The following GVQW3 variants were observed in gnomAD, a reference collection of about 807,000 sequenced individuals.
GVQW3 encodes the protein GVQW motif containing 3, also known as protein GVQW3.
Under a neutral mutation model 12.5 loss-of-function variants are expected in GVQW3, and 7 were observed. The observed-to-expected ratio is 0.56, with a 90% CI of 0.32 to 1.05. GVQW3 has a LOEUF of 1.05. GVQW3 is among the 50% of genes least tolerant of loss of function. The pLI, the probability that GVQW3 is intolerant of heterozygous loss-of-function variation, is 0.04. For synonymous variants in GVQW3, 71 were observed against 67.2 expected (o/e 1.06, Z -0.28); for missense variants, 188 against 190.8 (o/e 0.99, Z 0.09).
Position 76,382,147 on chromosome 11 carries a change from A to G in GVQW3, c.319A>G (p.Ile107Val). The change falls in exon 1 of 2, where the codon ATT (isoleucine) becomes GTT (valine). Residue 107 changes from isoleucine (I) to valine (V), a missense_variant. By Grantham distance (29) the Ile-to-Val change is conservative. Transcript: ENST00000529331. ...TTTAGACAAAGAAACTGTTAGGCTC[A>G]TTTTGAAAGAAAACTTGAACATGAG... ...LNLDKETVRL[I>V]LKENLNMRKI... 1.3e-6 allele frequency: 2 copies of G among 1,536,262 alleles called. No homozygotes were observed. Among genetic ancestry groups the G allele is most frequent in the Non-Finnish European group, 1.7e-6 (2 of 1,146,904 alleles).
chr11:76,387,393 ACTC>A (rs998186749), intron 1 of GVQW3, among the ~76,000 whole-genome samples: 1 of 151,908 alleles, frequency 6.6e-6, no homozygotes, highest in African/African-American at 2.4e-5. Context: ...TCTTGCCACT[ACTC>A]CAGCCTGGGC....
chr11:76,382,029 C>CT lies in GVQW3; in HGVS notation c.201_202insT (p.Thr68TyrfsTer6), dbSNP rs756348244. 5 of 1,536,524 alleles carry CT rather than the reference C, an allele frequency of 3.3e-6. No homozygotes were observed. The highest frequency in any genetic ancestry group is 4.4e-6 in the Non-Finnish European group (5 of 1,146,996). On this transcript the variant is annotated frameshift_variant, in exon 1 of 2. Coordinates refer to ENST00000529331, the MANE Select transcript of GVQW3 (RefSeq NM_001347885.2). LOFTEE classifies it high-confidence loss of function. ...ATGATGCCCGAAGTGGGCGTCCAGT[C>CT]ACCCACCGAACAGATGACAATATCC... is the stretch of plus-strand genomic sequence containing the variant.
chr11:76,396,258 A>G (rs186608825), intron 1 of GVQW3, among the ~76,000 whole-genome samples: 150 of 152,118 alleles, frequency 9.9e-4, no homozygotes, highest in Non-Finnish European at 7.9e-4. Flanking sequence ...TTTGCCTAGT[A>G]TATTTTCCCA....
In GVQW3 at chr11:76,404,186, CGAG is replaced by C. The variant is rs1410005993; in HGVS notation, c.*432_*434del. ...AGTGAGAAAGAGGGAAGGAATAGAA[CGAG>C]GAGTTCAATCTGTGACTGACAGTGA... On this transcript the variant is annotated 3_prime_UTR_variant, in exon 2 of 2. Transcript: ENST00000529331. The C allele has an allele frequency of 1.9e-5, 8 of 413,862 alleles. No individual in the cohort carries two copies. Among genetic ancestry groups the C allele is most frequent in the Admixed American group, 4.2e-5 (1 of 23,564 alleles). 25.6% of individuals were successfully genotyped at this position (413,862 alleles called of 1,614,324 possible).
intron 1 of GVQW3, among the ~76,000 whole-genome samples, chr11:76,384,324 GTT>G (rs1460268915): frequency 6.6e-6 from 1 of 152,138 alleles, no homozygotes; most frequent in African/African-American, 2.4e-5. Context: ...ACCTGTTTTT[GTT>G]TTGTTTTGTT....
exon 2 of GVQW3, chr11:76,414,022 G>A (rs1453436353): frequency 2.0e-5 from 3 of 152,096 alleles, no homozygotes; most frequent in East Asian, 3.9e-4. Flanking sequence ...ACCAATTTGA[G>A]GGAGGGAACC....
At chr11:76,396,074 C>A (rs1055145932) in intron 1 of GVQW3, among the ~76,000 whole-genome samples, 10 of 152,102 alleles carry the variant, frequency 6.6e-5, no homozygotes, top group Admixed American at 2.0e-4. Flanking sequence ...ATGCTGAAGA[C>A]TTGAGGGGGC....
chr11:76,398,382 G>C (rs1210876100), intron 1 of GVQW3, among the ~76,000 whole-genome samples: 1 of 152,044 alleles, frequency 6.6e-6, no homozygotes, highest in Non-Finnish European at 1.5e-5. Flanking sequence ...CTCAATCTTA[G>C]CTCACTGCAA....
At chr11:76,389,330 C>T (rs1162666291) in intron 1 of GVQW3, among the ~76,000 whole-genome samples, 2 of 152,190 alleles carry the variant, frequency 1.3e-5, no homozygotes, top group Non-Finnish European at 2.9e-5. Context: ...CAGTATATTA[C>T]TACTTATATT....
intron 1 of GVQW3, among the ~76,000 whole-genome samples, chr11:76,386,112 C>A (rs1282644716): frequency 6.6e-6 from 1 of 152,170 alleles, no homozygotes; most frequent in African/African-American, 2.4e-5. Context: ...CCCGCCCCCA[C>A]GCTCATTCTA....
At chr11:76,382,568 C>A in intron 1 of GVQW3, 1 of 596,688 alleles carries the variant, frequency 1.7e-6, no homozygotes, top group South Asian at 2.1e-5. Context: ...CCCTATGTGC[C>A]ATGGCCCTCC....
chr11:76,401,281 C>G (rs919981062), intron 1 of GVQW3, among the ~76,000 whole-genome samples: 1 of 151,878 alleles, frequency 6.6e-6, no homozygotes, highest in African/African-American at 2.4e-5. Flanking sequence ...TGTTTGTTGA[C>G]TCTCTATTTT....
intron 1 of GVQW3, among the ~76,000 whole-genome samples, chr11:76,390,744 G>T (rs1239771319): frequency 6.6e-6 from 1 of 151,938 alleles, no homozygotes; most frequent in Non-Finnish European, 1.5e-5. Context: ...GGAGAATGGC[G>T]TGAACCCGGG....
At chr11:76,411,927 C>A (rs1337934175), downstream of GVQW3, 2 of 152,202 alleles carry the variant, frequency 1.3e-5, no homozygotes, top group Non-Finnish European at 1.5e-5. Flanking sequence ...TTTCATCCCC[C>A]TAAGGAGCAC....
chr11:76,388,654 C>A (rs899791107), intron 1 of GVQW3, among the ~76,000 whole-genome samples: 1 of 151,614 alleles, frequency 6.6e-6, no homozygotes, highest in Non-Finnish European at 1.5e-5. Context: ...TAGACACAGG[C>A]CTTGGATTAG....
At chr11:76,383,777 CAAA>C (rs66514434) in intron 1 of GVQW3, 136 of 147,128 alleles carry the variant, frequency 9.2e-4, no homozygotes, top group African/African-American at 1.0e-3. Context: ...GACTCTGTCC[CAAA>C]AAAAAAAAAA....
intron 1 of GVQW3, among the ~76,000 whole-genome samples, chr11:76,395,963 A>G (rs987408174): frequency 2.6e-5 from 4 of 152,158 alleles, no homozygotes; most frequent in Non-Finnish European, 4.4e-5. Context: ...GCCACTCTAG[A>G]TGTTAGGAAT....
At position 76,406,101 on chromosome 11, in the gene GVQW3, T is replaced by C. The variant is rs986318290; in HGVS notation, c.*2343T>C. ...GATCCTCCCACCTCAGCCTCCTGAG[T>C]AGCTGGGACTAGAGGCATGTATCAC... On this transcript the variant is annotated 3_prime_UTR_variant, in exon 2 of 2. Transcript: ENST00000529331. 2 of 152,400 alleles carry C rather than the reference T, an allele frequency of 1.3e-5. No homozygotes were observed. The highest frequency in any genetic ancestry group is 2.9e-5 in the Non-Finnish European group (2 of 68,288). The allele number at this position is 152,400 out of a possible 1,614,324, so 9.4% of individuals were successfully genotyped here. A position where few individuals can be genotyped will look rare whatever the true frequency, so the allele number is the denominator to read the frequency against.
chr11:76,404,044 G>T lies in GVQW3; in HGVS notation c.*286G>T. 1 of 571,328 alleles carries T rather than the reference G, an allele frequency of 1.8e-6. No homozygotes were observed. Among genetic ancestry groups the T allele is most frequent in the East Asian group, 3.1e-5 (1 of 32,672 alleles). The allele number at this position is 571,328 out of a possible 1,614,324, so 35.4% of individuals were successfully genotyped here. A position where few individuals can be genotyped will look rare whatever the true frequency, so the allele number is the denominator to read the frequency against. ...CCCCACAGACACACCCAGAAATAAT[G>T]TTTTCCCATCTATCTCAGTACCCCA... On this transcript the variant is annotated 3_prime_UTR_variant, in exon 2 of 2. Transcript: ENST00000529331.
Sources: allele counts gnomAD v4.1 joint callset (sites outside exome capture counted in the v4.1 genomes callset), GRCh38; gene constraint gnomAD v4.1.1; transcripts MANE v1.5; gene names NCBI Gene and HGNC (gene_info 2026-07-23, HGNC 2026-07-21).